The following PDE4B variants were observed in gnomAD, a reference collection of about 807,000 sequenced individuals.
PDE4B encodes the protein 3',5'-cyclic-AMP phosphodiesterase 4B.
A neutral mutation model predicts 82.2 loss-of-function variants in PDE4B; 20 were observed. The ratio of observed to expected loss-of-function variants is 0.24; its 90% confidence interval spans 0.17 to 0.35. The LOEUF is 0.35. PDE4B is among the 10% of genes least tolerant of loss of function. The pLI, the probability that PDE4B is intolerant of heterozygous loss-of-function variation, is 1.00. For missense variants in PDE4B, 655 were observed against 907.2 expected (o/e 0.72, Z 3.57); for synonymous variants, 320 against 318.9 (o/e 1.00, Z -0.04).
chr1:66,278,843 TG>T (rs1302659756), intron 7 of PDE4B, among the ~76,000 whole-genome samples: 1 of 141,984 alleles, frequency 7.0e-6, no homozygotes, highest in African/African-American at 2.7e-5. Context: ...TGTGTGTGTA[TG>T]TGTGTTTGTG....
intron 1 of PDE4B, among the ~76,000 whole-genome samples, chr1:65,868,278 T>C (rs1205079463): frequency 1.3e-5 from 2 of 152,194 alleles, no homozygotes; most frequent in Non-Finnish European, 2.9e-5. Context: ...ACAGTATTGA[T>C]ATTACTACTA....
intron 7 of PDE4B, among the ~76,000 whole-genome samples, chr1:66,280,486 CA>C (rs1336846818): frequency 6.6e-6 from 1 of 152,216 alleles, no homozygotes; most frequent in African/African-American, 2.4e-5. Context: ...AGAAATATCT[CA>C]GGGGAGGTAG....
At chr1:66,022,377 C>T (rs1241160224) in intron 3 of PDE4B, among the ~76,000 whole-genome samples, 1 of 152,148 alleles carries the variant, frequency 6.6e-6, no homozygotes, top group African/African-American at 2.4e-5. Context: ...GCATCCCTGT[C>T]TTGTGCCAGT....
intron 3 of PDE4B, among the ~76,000 whole-genome samples, chr1:66,211,242 C>T (rs1388446302): frequency 6.6e-6 from 1 of 152,190 alleles, no homozygotes; most frequent in Non-Finnish European, 1.5e-5. Context: ...CCAGGTGCAA[C>T]TTATTTGTAT....
chr1:65,898,846 C>G (rs374256047), intron 1 of PDE4B, among the ~76,000 whole-genome samples: 2 of 152,028 alleles, frequency 1.3e-5, no homozygotes, highest in East Asian at 3.9e-4. Context: ...AACCTAAGAC[C>G]TAAAACTATA....
rs138909298 is a variant in PDE4B at position 65,914,157 on chromosome 1, A to C, written c.42+801A>C. The stretch of plus-strand genomic sequence containing the variant: ...GAAAGAAGGGAGGGAAGAAGAAAAA[A>C]CAATTTTCCTTGTTTTCTGTAATAA... On this transcript the variant is annotated intron_variant, in intron 2 of 16. Transcript: ENST00000341517. Among the ~76,000 whole-genome samples the C allele has an allele frequency of 8.5e-3, 1,302 of 152,288 alleles. 18 individuals are homozygous for C. The highest frequency in any genetic ancestry group is 0.03 in the African/African-American group (1,228 of 41,546).
At chr1:65,933,636 A>T (rs1425349652) in intron 3 of PDE4B, among the ~76,000 whole-genome samples, 1 of 152,104 alleles carries the variant, frequency 6.6e-6, no homozygotes, top group African/African-American at 2.4e-5. Context: ...GTGCCATTGC[A>T]TTCCAGCCCT....
intron 1 of PDE4B, among the ~76,000 whole-genome samples, chr1:65,894,127 A>G (rs746328945): frequency 3.3e-4 from 50 of 151,932 alleles, no homozygotes; most frequent in Admixed American, 5.3e-4. Context: ...AACTACCTGT[A>G]CCCCAAACAA....
intron 3 of PDE4B, among the ~76,000 whole-genome samples, chr1:65,996,512 C>T (rs770431927): frequency 3.2e-4 from 49 of 152,022 alleles, no homozygotes; most frequent in Non-Finnish European, 5.9e-4. Context: ...TGATTCAACC[C>T]ACATGTATTC....
intron 1 of PDE4B, among the ~76,000 whole-genome samples, chr1:65,850,133 G>A (rs1238691131): frequency 5.3e-5 from 1 of 18,840 alleles, no homozygotes; most frequent in Admixed American, 4.8e-4. Context: ...TTTTTTTTTT[G>A]AGACAGAGTC....
At chr1:66,257,496 T>C (rs1654332242) in intron 4 of PDE4B, 151 bp from the exon 5 acceptor site, 1 of 842,752 alleles carries the variant, frequency 1.2e-6, no homozygotes, top group Admixed American at 1.7e-5. Flanking sequence ...TACCCTTTCG[T>C]GCCAAATTGT....
intron 3 of PDE4B, among the ~76,000 whole-genome samples, chr1:66,177,947 T>C (rs1181294626): frequency 2.6e-5 from 4 of 151,612 alleles, no homozygotes; most frequent in African/African-American, 9.7e-5. Flanking sequence ...CTTTCTAAGA[T>C]ACAAAGGACC....
chr1:65,979,691 A>G (rs1301047118), intron 3 of PDE4B, among the ~76,000 whole-genome samples: 1 of 152,200 alleles, frequency 6.6e-6, no homozygotes, highest in South Asian at 2.1e-4. Context: ...GAGGCCCTTA[A>G]TGGGACCCTG....
intron 3 of PDE4B, among the ~76,000 whole-genome samples, chr1:65,938,239 T>C (rs1230059738): frequency 6.6e-6 from 1 of 152,144 alleles, no homozygotes; most frequent in Non-Finnish European, 1.5e-5. Flanking sequence ...GAATTCTCAT[T>C]CTAGTCCCAA....
At chr1:65,826,469 T>C (rs1294107388) in intron 1 of PDE4B, among the ~76,000 whole-genome samples, 3 of 152,094 alleles carry the variant, frequency 2.0e-5, no homozygotes, top group African/African-American at 7.2e-5. Context: ...CCTCCTGAGG[T>C]CCCACCAGGT....
chr1:66,207,582 T>C (rs1336969682), intron 3 of PDE4B, among the ~76,000 whole-genome samples: 1 of 152,216 alleles, frequency 6.6e-6, no homozygotes, highest in Non-Finnish European at 1.5e-5. Context: ...AAATCAAATT[T>C]GGGTTTCTTT....
chr1:65,960,973 G>A (rs936574133), intron 3 of PDE4B, among the ~76,000 whole-genome samples: 4 of 152,074 alleles, frequency 2.6e-5, no homozygotes, highest in African/African-American at 9.7e-5. Context: ...CTCCTGGTAA[G>A]TCCAAACATT....
At chr1:65,842,568 G>C (rs749963426) in intron 1 of PDE4B, among the ~76,000 whole-genome samples, 1 of 152,084 alleles carries the variant, frequency 6.6e-6, no homozygotes, top group African/African-American at 2.4e-5. Flanking sequence ...GATATTTATT[G>C]TTACTGGATT....
chr1:66,123,946 A>C (rs1645766676), intron 3 of PDE4B, among the ~76,000 whole-genome samples: 1 of 152,200 alleles, frequency 6.6e-6, no homozygotes. Context: ...TGTTCAGCTC[A>C]TGAAAGTTTT....
Sources: allele counts gnomAD v4.1 joint callset (sites outside exome capture counted in the v4.1 genomes callset), GRCh38; gene constraint gnomAD v4.1.1; transcripts MANE v1.5; gene names NCBI Gene and HGNC (gene_info 2026-07-23, HGNC 2026-07-21).